The following KCNQ1 variants were observed in gnomAD, a reference collection of about 807,000 sequenced individuals.
KCNQ1 encodes the protein potassium voltage-gated channel subfamily Q member 1.
A neutral mutation model predicts 72.4 loss-of-function variants in KCNQ1; 49 were observed. That is an observed-to-expected ratio of 0.68 (90% CI 0.54 to 0.86). The LOEUF is 0.86. Ranked by LOEUF, KCNQ1 falls within the 40% of genes least tolerant of loss-of-function variation. The pLI, the probability that KCNQ1 is intolerant of heterozygous loss-of-function variation, is 0.00. For missense variants in KCNQ1, 790 were observed against 945.1 expected, an observed-to-expected ratio of 0.84 and a Z score of 2.15; for synonymous variants, 450 against 412.6, an observed-to-expected ratio of 1.09 and a Z score of -1.10.
chr11:2,613,426 T>C lies in KCNQ1; in HGVS notation c.1393+24572T>C, dbSNP rs1374270840. 1 of 398,484 alleles carries C rather than the reference T, an allele frequency of 2.5e-6. No individual in the cohort carries two copies. The highest frequency in any genetic ancestry group is 4.4e-6 in the Non-Finnish European group (1 of 226,082). The allele number at this position is 398,484 out of a possible 1,614,324, so 24.7% of individuals were successfully genotyped here. ...CTGAAATCCTTGTTGCTTAACATAG[T>C]GCATAGGGTTTTCTATGGAATTCAA... is the stretch of plus-strand genomic sequence containing the variant. On this transcript the variant is annotated intron_variant, in intron 10 of 15. Coordinates refer to ENST00000155840, the MANE Select transcript of KCNQ1 (RefSeq NM_000218.3). The surrounding 1 kb of genome is among the most constrained non-coding windows in gnomAD (Gnocchi z 4.8).
chr11:2,802,926 C>A (rs1461864858), intron 15 of KCNQ1, among the ~76,000 whole-genome samples: 1 of 152,240 alleles, frequency 6.6e-6, no homozygotes, highest in Non-Finnish European at 1.5e-5. Flanking sequence ...AAAGGCCAGA[C>A]CGGCCAGCCA....
intron 11 of KCNQ1, chr11:2,667,637 A>C: frequency 2.5e-6 from 1 of 398,604 alleles, no homozygotes; most frequent in Non-Finnish European, 4.4e-6. Flanking sequence ...TGCTCTGCTG[A>C]TACCTGAAAG....
At position 2,481,730 on chromosome 11, in the gene KCNQ1, C is replaced by T. The variant is rs1436693317; in HGVS notation, c.386+36246C>T. ...CTATGCATGTGAGGGATCTAGGTTG[C>T]CTCCTCTTTATAAGAATCTAATGCC... is the stretch of plus-strand genomic sequence containing the variant. On this transcript the variant is annotated intron_variant, in intron 1 of 15. Coordinates refer to ENST00000155840, the MANE Select transcript of KCNQ1 (RefSeq NM_000218.3). The surrounding 1 kb of genome is among the most constrained non-coding windows in gnomAD (Gnocchi z 4.6). Among the ~76,000 whole-genome samples the T allele has an allele frequency of 2.0e-5, 3 of 152,162 alleles. No homozygotes were observed. The highest frequency in any genetic ancestry group is 4.8e-5 in the African/African-American group (2 of 41,420).
intron 11 of KCNQ1, chr11:2,696,598 C>A (rs2283193): frequency 5.0e-6 from 2 of 398,362 alleles, no homozygotes; most frequent in Admixed American, 8.8e-5. Flanking sequence ...TACTCAAGCC[C>A]TCCAACTGGA....
chr11:2,756,553 G>C (rs1008657690), intron 11 of KCNQ1, among the ~76,000 whole-genome samples: 1 of 152,116 alleles, frequency 6.6e-6, no homozygotes, highest in African/African-American at 2.4e-5. Flanking sequence ...TGGTTACCCA[G>C]GATAGGGGAG....
Position 2,725,620 on chromosome 11 carries a change from A to T in KCNQ1, c.1515-43224A>T, listed in dbSNP as rs1476694010. 6.6e-6 allele frequency among the ~76,000 whole-genome samples: 1 copy of T among 151,978 alleles called. No individual in the cohort carries two copies. Among genetic ancestry groups the T allele is most frequent in the Non-Finnish European group, 1.5e-5 (1 of 67,964 alleles). On this transcript the variant is annotated intron_variant, in intron 11 of 15. Transcript: ENST00000155840. This position sits in a 1 kb window ranked among gnomAD's most constrained non-coding sequence, Gnocchi z 7.2. Reference sequence around the variant, plus strand: ...TTGCCCTCGCCCCCTTCCCGAACGTACCCTTTCCATGAGGCTGGGCGCCCT... The same window carrying T: ...TTGCCCTCGCCCCCTTCCCGAACGTTCCCTTTCCATGAGGCTGGGCGCCCT...
chr11:2,668,836 G>A lies in KCNQ1; in HGVS notation c.1514+6755G>A, dbSNP rs1850130398. The stretch of plus-strand genomic sequence containing the variant: ...CCAGTTAATCAAACATTTCCTCTCT[G>A]GATAGGGCTGTTTGTGTCCTATTTA... On this transcript the variant is annotated intron_variant, in intron 11 of 15. Transcript: ENST00000155840. The surrounding 1 kb of genome is among the most constrained non-coding windows in gnomAD (Gnocchi z 4.3). The A allele has an allele frequency of 2.5e-6, 1 of 398,566 alleles. No individual in the cohort carries two copies. Among genetic ancestry groups the A allele is most frequent in the African/African-American group, 2.1e-5 (1 of 48,722 alleles). 24.7% of individuals were successfully genotyped at this position (398,566 alleles called of 1,614,324 possible).
intron 10 of KCNQ1, chr11:2,622,267 C>G: frequency 2.5e-6 from 1 of 398,348 alleles, no homozygotes; most frequent in Non-Finnish European, 4.4e-6. Flanking sequence ...ATTGCGAAGT[C>G]TTGAGTAATT....
In KCNQ1 at chr11:2,552,588, A is replaced by G. The variant is rs141345829; in HGVS notation, c.478-18040A>G. ...TAGAATCAGCTCGTCAATTCTACCAAAAAAAAAATTGGCTAGAATTTTGAT... is the reference window on the plus strand; with the variant it reads ...TAGAATCAGCTCGTCAATTCTACCAGAAAAAAAATTGGCTAGAATTTTGAT... On this transcript the variant is annotated intron_variant, in intron 2 of 15. Coordinates refer to ENST00000155840, the MANE Select transcript of KCNQ1 (RefSeq NM_000218.3). Among the ~76,000 whole-genome samples the G allele has an allele frequency of 2.0e-3, 301 of 151,786 alleles. 1 individual carries two copies. The highest frequency in any genetic ancestry group is 6.9e-3 in the African/African-American group (287 of 41,426).
chr11:2,534,034 C>T (rs1468159967), intron 2 of KCNQ1, among the ~76,000 whole-genome samples: 1 of 152,170 alleles, frequency 6.6e-6, no homozygotes, highest in Non-Finnish European at 1.5e-5. Flanking sequence ...CCACCCCTCC[C>T]GCCAGCTGCA....
At chr11:2,739,761 C>T (rs1160651254) in intron 11 of KCNQ1, among the ~76,000 whole-genome samples, 1 of 152,236 alleles carries the variant, frequency 6.6e-6, no homozygotes, top group Non-Finnish European at 1.5e-5. Context: ...GTATGGTGTC[C>T]TTGCCCAGCT....
chr11:2,678,551 A>G lies in KCNQ1; in HGVS notation c.1514+16470A>G, dbSNP rs900808140. On this transcript the variant is annotated intron_variant, in intron 11 of 15. Coordinates refer to ENST00000155840, the MANE Select transcript of KCNQ1 (RefSeq NM_000218.3). This position sits in a 1 kb window ranked among gnomAD's most constrained non-coding sequence, Gnocchi z 4.9. ...TGGGCCTGTTGATAGGCCAGAGCTC[A>G]GTTATTTTAATTATGTAACTTTATG... The G allele has an allele frequency of 7.5e-6, 3 of 398,500 alleles. No homozygotes were observed. Among genetic ancestry groups the G allele is most frequent in the African/African-American group, 2.1e-5 (1 of 48,632 alleles). The allele number at this position is 398,500 out of a possible 1,614,324, so 24.7% of individuals were successfully genotyped here.
At chr11:2,747,963 A>G (rs373362421) in intron 11 of KCNQ1, among the ~76,000 whole-genome samples, 5 of 152,122 alleles carry the variant, frequency 3.3e-5, no homozygotes, top group Non-Finnish European at 5.9e-5. Context: ...CCGTCTTGAA[A>G]ACAGACCAGA....
At chr11:2,513,843 G>A (rs1847247302) in intron 1 of KCNQ1, among the ~76,000 whole-genome samples, 1 of 152,246 alleles carries the variant, frequency 6.6e-6, no homozygotes, top group African/African-American at 2.4e-5. Flanking sequence ...GGCTGGGAGA[G>A]GGAGGAAGGC....
intron 1 of KCNQ1, among the ~76,000 whole-genome samples, chr11:2,472,336 G>A (rs559357503): frequency 6.6e-6 from 1 of 151,700 alleles, no homozygotes; most frequent in African/African-American, 2.4e-5. Flanking sequence ...ATACGTGCAT[G>A]TCTGTGTGTG....
intron 6 of KCNQ1, among the ~76,000 whole-genome samples, chr11:2,575,475 T>C (rs1392706665): frequency 2.6e-5 from 4 of 152,186 alleles, no homozygotes; most frequent in African/African-American, 9.6e-5. Context: ...GTTCCTGGCA[T>C]TTCTCGGACA....
intron 11 of KCNQ1, among the ~76,000 whole-genome samples, chr11:2,706,108 T>C (rs561565616): frequency 6.6e-6 from 1 of 152,226 alleles, no homozygotes; most frequent in Non-Finnish European, 1.5e-5. Context: ...GGTTTTAGTA[T>C]GTGTCTACAA....
chr11:2,622,274 A>T, intron 10 of KCNQ1: 1 of 398,370 alleles, frequency 2.5e-6, no homozygotes, highest in Non-Finnish European at 4.4e-6. Flanking sequence ...AGTCTTGAGT[A>T]ATTTTCCATT....
chr11:2,837,276 G>A (rs1386083208), intron 15 of KCNQ1, among the ~76,000 whole-genome samples: 1 of 152,152 alleles, frequency 6.6e-6, no homozygotes, highest in African/African-American at 2.4e-5. Context: ...AGGGACGGAG[G>A]TGGCCAGAGG....
Sources: gnomAD v4.1 joint callset for allele counts (sites outside exome capture counted in the v4.1 genomes callset) on GRCh38, gnomAD v4.1.1 for gene constraint, Gnocchi (gnomAD v3.1) non-coding constraint, MANE v1.5 for transcripts, NCBI Gene and HGNC (gene_info 2026-07-23, HGNC 2026-07-21) for gene names.